EMC10: variants seen among roughly 807,000 people sequenced by gnomAD.
The protein encoded by EMC10 is ER membrane protein complex subunit 10, also known as UPF0510 protein INM02.
Under a neutral mutation model 32.2 loss-of-function variants are expected in EMC10, and 40 were observed. The observed-to-expected ratio is 1.24, with a 90% CI of 0.96 to 1.61. The LOEUF is 1.61. EMC10 is among the 40% of genes most tolerant of loss of function. EMC10 has a pLI of 0.00. For synonymous variants in EMC10, 178 were observed against 158.4 expected (o/e 1.12, Z -0.93); for missense variants, 402 against 357.7 (o/e 1.12, Z -1.00).
In EMC10 at chr19:50,480,098, C is replaced by T; in HGVS notation, c.298-13C>T. The T allele has an allele frequency of 6.2e-7, 1 of 1,600,026 alleles. No individual in the cohort carries two copies. Among genetic ancestry groups the T allele is most frequent in the South Asian group, 1.1e-5 (1 of 88,486 alleles). ...CCATCCTTCTGACCAGCACCCTCTTCTCCCATCCCCAGGATGTGGCAGCCC... is the reference window on the plus strand; with the variant it reads ...CCATCCTTCTGACCAGCACCCTCTTTTCCCATCCCCAGGATGTGGCAGCCC... On this transcript the variant is annotated splice_polypyrimidine_tract_variant and intron_variant, in intron 3 of 6. Transcript: ENST00000334976. This position sits in a 1 kb window ranked among gnomAD's most constrained non-coding sequence, Gnocchi z 4.4.
intron 1 of EMC10, 174 bp downstream of exon 1, chr19:50,476,832 A>G: frequency 3.8e-6 from 2 of 520,270 alleles, no homozygotes. Flanking sequence ...TCGCCAGTGC[A>G]CCGGGTTGCA....
chr19:50,490,394 T>A lies in EMC10; in HGVS notation c.*8135T>A, dbSNP rs1235680721. The A allele has an allele frequency of 1.3e-5, 2 of 152,146 alleles. No homozygotes were observed. Among genetic ancestry groups the A allele is most frequent in the Non-Finnish European group, 2.9e-5 (2 of 68,024 alleles). 9.4% of individuals were successfully genotyped at this position (152,146 alleles called of 1,614,324 possible). Reference sequence around the variant, plus strand: ...TCCCAAAGTGCTGGGATTACAGGCGTTGAGCCACCGTGGCCGGCCCTTAAA... The same window carrying A: ...TCCCAAAGTGCTGGGATTACAGGCGATGAGCCACCGTGGCCGGCCCTTAAA... On this transcript the variant is annotated 3_prime_UTR_variant, in exon 7 of 7. Transcript: ENST00000334976.
intron 6 of EMC10, 125 bp from the exon 7 acceptor site, chr19:50,482,024 G>GC: frequency 6.4e-7 from 1 of 1,570,486 alleles, no homozygotes; most frequent in Non-Finnish European, 8.8e-7. Flanking sequence ...GGACCTGGGC[G>GC]CCCTCCCCTT....
chr19:50,478,973 C>T lies in EMC10; in HGVS notation c.204C>T (p.Phe68=). ...HSFEIDDSAN[F]RKRGSLLWNQ... ...TCCTCACAGATGACAGTGCCAACTTCCGGAAGCGGGGCTCACTGCTCTGGA... is the reference window on the plus strand; with the variant it reads ...TCCTCACAGATGACAGTGCCAACTTTCGGAAGCGGGGCTCACTGCTCTGGA... The change falls in exon 3 of 7, where the codon TTC becomes TTT. Residue 68 remains phenylalanine (F), a synonymous_variant. Transcript: ENST00000334976. 6.2e-7 allele frequency: 1 copy of T among 1,609,396 alleles called. No individual in the cohort carries two copies.
intron 6 of EMC10, 51 bp from the exon 7 acceptor site, chr19:50,482,098 C>T (rs767607266): frequency 1.2e-5 from 16 of 1,374,122 alleles, no homozygotes; most frequent in East Asian, 2.3e-5. Flanking sequence ...ACCTCCTTCC[C>T]CTCTCTCTCT....
chr19:50,480,801 C>G lies in EMC10; in HGVS notation c.584+39C>G. On this transcript the variant is annotated intron_variant, in intron 5 of 6. Coordinates refer to ENST00000334976, the MANE Select transcript of EMC10 (RefSeq NM_206538.4). The surrounding 1 kb of genome is among the most constrained non-coding windows in gnomAD (Gnocchi z 4.4). ...GCCTTCGCGGCGCTCTTGCCACCTG[C>G]CCCGGCCCTTCCTGGCGGCCTCAGG... The G allele has an allele frequency of 6.4e-7, 1 of 1,567,084 alleles. No homozygotes were observed. Among genetic ancestry groups the G allele is most frequent in the East Asian group, 2.3e-5 (1 of 44,202 alleles).
chr19:50,478,329 G>A (rs1257006439), intron 2 of EMC10, among the ~76,000 whole-genome samples: 2 of 152,232 alleles, frequency 1.3e-5, no homozygotes, highest in African/African-American at 2.4e-5. Flanking sequence ...GCCATGTGAG[G>A]TGGTAGGTAT....
At position 50,489,815 on chromosome 19, in the gene EMC10, C is replaced by T. The variant is rs1489577149; in HGVS notation, c.*7556C>T. ...AGGGGCGGGAGAACAGGAGACAGAA[C>T]AGGACAGAGACAGCTGCCCGGGAGG... On this transcript the variant is annotated 3_prime_UTR_variant, in exon 7 of 7. Transcript: ENST00000334976. 1 of 153,102 alleles carries T rather than the reference C, an allele frequency of 6.5e-6. No individual in the cohort carries two copies. Among genetic ancestry groups the T allele is most frequent in the Non-Finnish European group, 1.5e-5 (1 of 68,850 alleles). 9.5% of individuals were successfully genotyped at this position (153,102 alleles called of 1,614,324 possible). A position where few individuals can be genotyped will look rare whatever the true frequency, so the allele number is the denominator to read the frequency against.
rs2040277278 is a variant in EMC10 at position 50,479,093 on chromosome 19, G to A, written c.297+27G>A. ...TGAGGTGGGGCCCTCAGGGCTGGGT[G>A]TGGATGGGGATGGAGGGTTTCCAGC... On this transcript the variant is annotated intron_variant, in intron 3 of 6. Transcript: ENST00000334976. 3 of 1,547,318 alleles carry A rather than the reference G, an allele frequency of 1.9e-6. No individual in the cohort carries two copies. The African/African-American group carries it at 4.1e-5, about 21-fold the overall frequency.
In EMC10 at chr19:50,480,105, C is replaced by T. The variant is rs1399986617; in HGVS notation, c.298-6C>T. The T allele has an allele frequency of 6.2e-7, 1 of 1,605,458 alleles. No individual in the cohort carries two copies. The highest frequency in any genetic ancestry group is 1.7e-5 in the Admixed American group (1 of 58,344). The stretch of plus-strand genomic sequence containing the variant: ...TCTGACCAGCACCCTCTTCTCCCAT[C>T]CCCAGGATGTGGCAGCCCTGAATGG... On this transcript the variant is annotated splice_polypyrimidine_tract_variant and splice_region_variant and intron_variant, in intron 3 of 6. Transcript: ENST00000334976. The surrounding 1 kb of genome is among the most constrained non-coding windows in gnomAD (Gnocchi z 4.4).
intron 3 of EMC10, 81 bp downstream of exon 3, chr19:50,479,147 C>T: frequency 2.6e-6 from 3 of 1,155,060 alleles, no homozygotes; most frequent in South Asian, 2.8e-5. Context: ...CTGCTGGTCC[C>T]CAGCAGCCTT....
Position 50,477,950 on chromosome 19 carries a change from G to A in EMC10, c.136G>A (p.Gly46Ser). The A allele has an allele frequency of 6.3e-7, 1 of 1,599,432 alleles. No homozygotes were observed. The highest frequency in any genetic ancestry group is 8.5e-7 in the Non-Finnish European group (1 of 1,175,576). Residue 46 changes from glycine (G) to serine (S), a missense_variant, in exon 2 of 7, where the codon GGC becomes AGC. Gly to Ser is a moderately conservative substitution (Grantham distance 56). Coordinates refer to ENST00000334976, the MANE Select transcript of EMC10 (RefSeq NM_206538.4). ...GCAGGCTGGGGCGGAAGGTCGAGAG[G>A]GCGAGGCCTGTGGCACGGTGGGGCT... is the stretch of plus-strand genomic sequence containing the variant. ...ARGAGAEGRE[G>S]EACGTVGLLL...
In EMC10 at chr19:50,477,993, T is replaced by C; in HGVS notation, c.179T>C (p.Phe60Ser). 13 of 1,603,326 alleles carry C rather than the reference T, an allele frequency of 8.1e-6. No individual in the cohort carries two copies. Among genetic ancestry groups the C allele is most frequent in the Non-Finnish European group, 1.1e-5 (13 of 1,176,504 alleles). Reference sequence around the variant, plus strand: ...GTGGGGCTGCTGCTGGAGCACTCATTTGAGATCGGTGAGTCAGGCAACGTC... The same window carrying C: ...GTGGGGCTGCTGCTGGAGCACTCATCTGAGATCGGTGAGTCAGGCAACGTC... ...GTVGLLLEHS[F>S]EIDDSANFRK... The change falls in exon 2 of 7, where the codon TTT (phenylalanine) becomes TCT (serine). Residue 60 changes from phenylalanine (F) to serine (S), a missense_variant. Physicochemically the swap from Phe to Ser is radical, Grantham distance 155. Transcript: ENST00000334976.
intron 2 of EMC10, among the ~76,000 whole-genome samples, chr19:50,478,653 G>A (rs566263887): frequency 1.3e-5 from 2 of 152,284 alleles, no homozygotes; most frequent in South Asian, 2.1e-4. Flanking sequence ...CACAGCCTCC[G>A]TATTTTGCAG....
Position 50,482,323 on chromosome 19 carries a change from C to T in EMC10, c.*64C>T. ...GGGCCTCCCTTTCTGCTGGAGTCCCCTGTGTCCTCAGCCATCCCAAGAAGG... is the reference window on the plus strand; with the variant it reads ...GGGCCTCCCTTTCTGCTGGAGTCCCTTGTGTCCTCAGCCATCCCAAGAAGG... On this transcript the variant is annotated 3_prime_UTR_variant, in exon 7 of 7. Coordinates refer to ENST00000334976, the MANE Select transcript of EMC10 (RefSeq NM_206538.4). 1 of 722,306 alleles carries T rather than the reference C, an allele frequency of 1.4e-6. No homozygotes were observed. The highest frequency in any genetic ancestry group is 1.7e-5 in the South Asian group (1 of 57,714). The allele number at this position is 722,306 out of a possible 1,614,324, so 44.7% of individuals were successfully genotyped here. A position where few individuals can be genotyped will look rare whatever the true frequency, so the allele number is the denominator to read the frequency against.
chr19:50,482,615 T>G lies in EMC10; in HGVS notation c.*356T>G. 2.1e-6 allele frequency: 1 copy of G among 486,440 alleles called. No homozygotes were observed. Among genetic ancestry groups the G allele is most frequent in the Non-Finnish European group, 3.6e-6 (1 of 277,048 alleles). The allele number at this position is 486,440 out of a possible 1,614,324, so 30.1% of individuals were successfully genotyped here. ...CATGCAGTCTGGGAACATGCCGCCTTCTCTCCAGCCTCTGTGCCTTTGTTC... is the reference window on the plus strand; with the variant it reads ...CATGCAGTCTGGGAACATGCCGCCTGCTCTCCAGCCTCTGTGCCTTTGTTC... On this transcript the variant is annotated 3_prime_UTR_variant, in exon 7 of 7. Coordinates refer to ENST00000334976, the MANE Select transcript of EMC10 (RefSeq NM_206538.4).
chr19:50,479,458 G>T (rs570515596), intron 3 of EMC10, among the ~76,000 whole-genome samples: 75 of 152,290 alleles, frequency 4.9e-4, no homozygotes, highest in Middle Eastern at 6.8e-3. Context: ...CACTTCTGTC[G>T]CCCTGTGTTG....
Position 50,480,214 on chromosome 19 carries a change from C to T in EMC10, c.401C>T (p.Ala134Val), listed in dbSNP as rs770232858. 104 of 1,612,888 alleles carry T rather than the reference C, an allele frequency of 6.4e-5. 1 individual carries two copies. Among genetic ancestry groups the T allele is most frequent in the South Asian group, 1.1e-4 (10 of 90,776 alleles). ...AGGYVSSFVP[A>V]CSLVESHLSD... ...GGCTATGTCTCCTCCTTTGTCCCTG[C>T]GGTGAGTTGGTGTCGGGGATGAGCC... Residue 134 changes from alanine (A) to valine (V), a missense_variant and splice_region_variant, in exon 4 of 7, where the codon GCG (alanine) becomes GTG (valine). Coordinates refer to ENST00000334976, the MANE Select transcript of EMC10 (RefSeq NM_206538.4). This position sits in a 1 kb window ranked among gnomAD's most constrained non-coding sequence, Gnocchi z 4.4.
chr19:50,483,008 G>C lies in EMC10; in HGVS notation c.*749G>C. Reference sequence around the variant, plus strand: ...AGTCAAAGCCCAGACACTGTAAATAGAACCCCCTCCACCACCCCCCGCCGC... The same window carrying C: ...AGTCAAAGCCCAGACACTGTAAATACAACCCCCTCCACCACCCCCCGCCGC... On this transcript the variant is annotated 3_prime_UTR_variant, in exon 7 of 7. Coordinates refer to ENST00000334976, the MANE Select transcript of EMC10 (RefSeq NM_206538.4). 1.7e-6 allele frequency: 1 copy of C among 584,564 alleles called. No homozygotes were observed. Among genetic ancestry groups the C allele is most frequent in the South Asian group, 1.6e-5 (1 of 61,606 alleles). 36.2% of individuals were successfully genotyped at this position (584,564 alleles called of 1,614,324 possible). A position where few individuals can be genotyped will look rare whatever the true frequency, so the allele number is the denominator to read the frequency against.
Sources: allele counts gnomAD v4.1 joint callset (sites outside exome capture counted in the v4.1 genomes callset), GRCh38; gene constraint gnomAD v4.1.1; non-coding constraint Gnocchi (gnomAD v3.1); transcripts MANE v1.5; gene names NCBI Gene and HGNC (gene_info 2026-07-23, HGNC 2026-07-21).